The following CLCN3 variants were observed in gnomAD, a reference collection of about 807,000 sequenced individuals.
CLCN3 encodes the protein Cl-/H+ antiporter 3.
CLCN3 carries 16 observed loss-of-function variants against 83.4 expected under a neutral mutation model. That is an observed-to-expected ratio of 0.19 (90% confidence interval 0.13 to 0.29). CLCN3 has a LOEUF of 0.29. Ranked by LOEUF, CLCN3 falls within the 10% of genes least tolerant of loss-of-function variation. The probability of loss-of-function intolerance (pLI) is 1.00; values close to 1 mark genes in which losing one functional copy is unlikely to be tolerated. For missense variants in CLCN3, 544 were observed against 1,006.0 expected (o/e 0.54, Z 6.21); for synonymous variants, 322 against 346.2 (o/e 0.93, Z 0.78).
At chr4:169,623,978 G>A (rs1773168635) in intron 1 of CLCN3, among the ~76,000 whole-genome samples, 1 of 152,114 alleles carries the variant, frequency 6.6e-6, no homozygotes, top group Non-Finnish European at 1.5e-5. Context: ...TGTATTGGAA[G>A]AAAGAAAAGT....
intron 2 of CLCN3, among the ~76,000 whole-genome samples, chr4:169,645,513 C>T (rs1253027485): frequency 6.6e-6 from 1 of 152,112 alleles, no homozygotes; most frequent in Admixed American, 6.5e-5. Flanking sequence ...ATTTAAACTT[C>T]CAGGTCATTC....
chr4:169,713,049 A>C (rs780902585), intron 11 of CLCN3, 30 bp from the exon 12 acceptor site: 1 of 1,548,708 alleles, frequency 6.5e-7, no homozygotes, highest in Non-Finnish European at 8.9e-7. Flanking sequence ...TATCAGTTTA[A>C]AAGTGTTGGT....
rs371861913 is a variant in CLCN3 at position 169,704,177 on chromosome 4, A to G, written c.1743A>G (p.Ala581=). The G allele has an allele frequency of 6.2e-6, 10 of 1,611,064 alleles. No individual in the cohort carries two copies. The highest frequency in any genetic ancestry group is 8.5e-6 in the Non-Finnish European group (10 of 1,178,402). The change falls in exon 10 of 13, where the codon GCA becomes GCG. Residue 581 remains alanine, a synonymous_variant. Coordinates refer to ENST00000513761, the MANE Select transcript of CLCN3 (RefSeq NM_001829.4). ...TTTATGCCATGGTTGGTGCTGCTGC[A>G]TGCTTAGGTAATATGGCTGTGTCTG... ...PGLYAMVGAA[A]CLGGVTRMTV...
In CLCN3 at chr4:169,620,633, C is replaced by T. The variant is rs1016279797; in HGVS notation, c.-447C>T. ...CGGTCCGGAACCTGCAGCCCCTTTC[C>T]CAGTGTTCTAGTTCGCCCGTGACCC... is the stretch of plus-strand genomic sequence containing the variant. On this transcript the variant is annotated 5_prime_UTR_variant, in exon 1 of 13. Transcript: ENST00000513761. The T allele has an allele frequency of 1.0e-5, 4 of 397,594 alleles. No individual in the cohort carries two copies. Among genetic ancestry groups the T allele is most frequent in the African/African-American group, 8.2e-5 (4 of 48,642 alleles). The allele number at this position is 397,594 out of a possible 1,614,324, so 24.6% of individuals were successfully genotyped here. A position where few individuals can be genotyped will look rare whatever the true frequency, so the allele number is the denominator to read the frequency against.
At chr4:169,647,376 C>G (rs1474822525) in intron 2 of CLCN3, among the ~76,000 whole-genome samples, 1 of 151,918 alleles carries the variant, frequency 6.6e-6, no homozygotes, top group African/African-American at 2.4e-5. Flanking sequence ...GGTGACAGAG[C>G]AAGACCCCAT....
chr4:169,710,510 C>G (rs1431137262), intron 11 of CLCN3, among the ~76,000 whole-genome samples: 1 of 152,202 alleles, frequency 6.6e-6, no homozygotes, highest in Non-Finnish European at 1.5e-5. Context: ...AAACGATCCA[C>G]CTGCCTCAGC....
chr4:169,695,649 C>G lies in CLCN3; in HGVS notation c.974C>G (p.Ala325Gly). ...GCCTCAGCTGCAGGGGTTTCTGTAG[C>G]TTTTGGTGCACCAATTGGAGGAGTT... The part of the protein sequence containing the change: ...SAASAAGVSV[A>G]FGAPIGGVLF... The change falls in exon 8 of 13, where the codon GCT (alanine) becomes GGT (glycine). Residue 325 changes from alanine to glycine, a missense_variant. Transcript: ENST00000513761. The G allele has an allele frequency of 6.2e-7, 1 of 1,613,710 alleles. No homozygotes were observed. The highest frequency in any genetic ancestry group is 8.5e-7 in the Non-Finnish European group (1 of 1,179,762).
At chr4:169,691,590 G>A (rs749747561) in intron 6 of CLCN3, among the ~76,000 whole-genome samples, 11 of 151,998 alleles carry the variant, frequency 7.2e-5, no homozygotes, top group African/African-American at 2.7e-4. Flanking sequence ...AAATGGAATT[G>A]TATTGATCTT....
chr4:169,684,837 C>T (rs1732091253), intron 3 of CLCN3, among the ~76,000 whole-genome samples: 1 of 152,148 alleles, frequency 6.6e-6, no homozygotes, highest in Non-Finnish European at 1.5e-5. Flanking sequence ...GTTTACCCCA[C>T]AATACACACA....
chr4:169,679,567 C>T (rs1425081782), intron 2 of CLCN3, among the ~76,000 whole-genome samples: 1 of 152,078 alleles, frequency 6.6e-6, no homozygotes, highest in Non-Finnish European at 1.5e-5. Flanking sequence ...TGTAGCGAGC[C>T]GAGATCACGC....
intron 4 of CLCN3, among the ~76,000 whole-genome samples, chr4:169,687,984 A>G (rs1274392066): frequency 6.6e-6 from 1 of 152,220 alleles, no homozygotes; most frequent in Non-Finnish European, 1.5e-5. Flanking sequence ...TTCTGGACTC[A>G]GTTTCTATAT....
chr4:169,652,846 G>A (rs1730767273), intron 2 of CLCN3, among the ~76,000 whole-genome samples: 1 of 152,126 alleles, frequency 6.6e-6, no homozygotes, highest in Non-Finnish European at 1.5e-5. Flanking sequence ...CATTTTCTTT[G>A]TAGTCAAAGA....
intron 2 of CLCN3, among the ~76,000 whole-genome samples, chr4:169,676,414 G>T (rs1731676847): frequency 6.6e-6 from 1 of 151,870 alleles, no homozygotes; most frequent in Non-Finnish European, 1.5e-5. Flanking sequence ...CAAAATGTTT[G>T]TATCTCTTTA....
chr4:169,680,279 A>C, intron 3 of CLCN3, 72 bp downstream of exon 3: 1 of 1,067,528 alleles, frequency 9.4e-7, no homozygotes, highest in Non-Finnish European at 1.4e-6. Context: ...ATTTCTGCCA[A>C]TGATCTCAGG....
At chr4:169,655,269 C>A (rs1730847893) in intron 2 of CLCN3, among the ~76,000 whole-genome samples, 1 of 152,104 alleles carries the variant, frequency 6.6e-6, no homozygotes, top group African/African-American at 2.4e-5. Flanking sequence ...CATTTATTTT[C>A]TAATTGGAAC....
chr4:169,660,101 C>T (rs1041763188), intron 2 of CLCN3: 1 of 1,054,990 alleles, frequency 9.5e-7, no homozygotes, highest in Non-Finnish European at 1.1e-6. Context: ...CATTGTCATA[C>T]GTAGCAGGAC....
intron 9 of CLCN3, among the ~76,000 whole-genome samples, chr4:169,703,413 T>G (rs1732871507): frequency 6.6e-6 from 1 of 152,214 alleles, no homozygotes; most frequent in Non-Finnish European, 1.5e-5. Flanking sequence ...ATCTACCATT[T>G]CCGTCATTTG....
At chr4:169,661,247 A>G (rs550419876) in intron 2 of CLCN3, among the ~76,000 whole-genome samples, 2 of 152,250 alleles carry the variant, frequency 1.3e-5, no homozygotes, top group East Asian at 1.9e-4. Flanking sequence ...TTGTTGTCCT[A>G]GAAAAAAATT....
At chr4:169,702,144 CT>C (rs1732812086) in intron 9 of CLCN3, among the ~76,000 whole-genome samples, 1 of 152,164 alleles carries the variant, frequency 6.6e-6, no homozygotes, top group Non-Finnish European at 1.5e-5. Context: ...CTGATGCTGG[CT>C]GCAACCAATT....
Sources: allele counts gnomAD v4.1 joint callset (sites outside exome capture counted in the v4.1 genomes callset), GRCh38; gene constraint gnomAD v4.1.1; transcripts MANE v1.5; gene names NCBI Gene and HGNC (gene_info 2026-07-23, HGNC 2026-07-21).